NKAIN2: variants seen among roughly 807,000 people sequenced by gnomAD.
The protein encoded by NKAIN2 is sodium/potassium transporting ATPase interacting 2.
NKAIN2 carries 14 observed loss-of-function variants against 32.6 expected under a neutral mutation model. The observed-to-expected ratio is 0.43, with a 90% confidence interval of 0.28 to 0.67. The LOEUF (loss-of-function observed/expected upper bound fraction) is 0.67. NKAIN2 is among the 30% of genes least tolerant of loss of function. The pLI, the probability that NKAIN2 is intolerant of heterozygous loss-of-function variation, is 0.17. For missense variants in NKAIN2, 198 were observed against 258.3 expected (o/e 0.77, Z 1.60); for synonymous variants, 80 against 87.2 (o/e 0.92, Z 0.46).
At chr6:123,922,677 T>C (rs1392847037) in intron 1 of NKAIN2, among the ~76,000 whole-genome samples, 1 of 152,116 alleles carries the variant, frequency 6.6e-6, no homozygotes, top group African/African-American at 2.4e-5. Flanking sequence ...ATTTTCTCAA[T>C]GTGCATGGAT....
At chr6:124,247,219 C>A (rs917053098) in intron 1 of NKAIN2, among the ~76,000 whole-genome samples, 3 of 151,928 alleles carry the variant, frequency 2.0e-5, no homozygotes, top group Non-Finnish European at 4.4e-5. Context: ...GTCCACCCAC[C>A]AAAATGTTTA....
chr6:123,834,720 T>C (rs1774540340), intron 1 of NKAIN2, among the ~76,000 whole-genome samples: 1 of 152,194 alleles, frequency 6.6e-6, no homozygotes. Flanking sequence ...TAGATATGAT[T>C]TAGTAAGTTG....
At chr6:123,942,689 G>T (rs1776876568) in intron 1 of NKAIN2, among the ~76,000 whole-genome samples, 1 of 151,998 alleles carries the variant, frequency 6.6e-6, no homozygotes, top group African/African-American at 2.4e-5. Flanking sequence ...GTCTTGAATA[G>T]CTCTAGGGTT....
chr6:124,185,605 C>G (rs541128070), intron 1 of NKAIN2, among the ~76,000 whole-genome samples: 12 of 152,168 alleles, frequency 7.9e-5, no homozygotes, highest in African/African-American at 2.4e-4. Context: ...TGAAGTTATT[C>G]CTGAAAATCC....
chr6:124,295,577 A>T (rs1796013061), intron 2 of NKAIN2, among the ~76,000 whole-genome samples: 2 of 152,162 alleles, frequency 1.3e-5, no homozygotes, highest in Non-Finnish European at 2.9e-5. Context: ...GAAGGAGATT[A>T]AAAAACATAA....
chr6:124,033,036 A>G (rs534976203), intron 1 of NKAIN2, among the ~76,000 whole-genome samples: 1 of 152,168 alleles, frequency 6.6e-6, no homozygotes, highest in African/African-American at 2.4e-5. Flanking sequence ...TACTGGTAGG[A>G]TAGACACTTT....
At chr6:124,514,871 A>C (rs1344034904) in intron 3 of NKAIN2, among the ~76,000 whole-genome samples, 1 of 152,016 alleles carries the variant, frequency 6.6e-6, no homozygotes, top group African/African-American at 2.4e-5. Flanking sequence ...GTGAAGTTTG[A>C]GACTACTGCA....
At chr6:124,465,643 A>AAG (rs1244150587) in intron 3 of NKAIN2, among the ~76,000 whole-genome samples, 2 of 151,400 alleles carry the variant, frequency 1.3e-5, no homozygotes, top group African/African-American at 2.4e-5. Flanking sequence ...AAAAAAAAAA[A>AAG]AAAGAAATTC....
chr6:124,546,439 C>A (rs1034074288), intron 3 of NKAIN2, among the ~76,000 whole-genome samples: 6 of 152,054 alleles, frequency 3.9e-5, no homozygotes, highest in African/African-American at 1.4e-4. Flanking sequence ...TGAACATAAA[C>A]CTCTGGGATT....
intron 1 of NKAIN2, among the ~76,000 whole-genome samples, chr6:124,000,248 T>G (rs1052133605): frequency 1.3e-5 from 2 of 152,044 alleles, no homozygotes; most frequent in Non-Finnish European, 2.9e-5. Context: ...CATATACATC[T>G]ATTTTCTTAA....
At chr6:124,741,328 G>A (rs1777199084) in intron 4 of NKAIN2, among the ~76,000 whole-genome samples, 1 of 151,762 alleles carries the variant, frequency 6.6e-6, no homozygotes, top group African/African-American at 2.4e-5. Flanking sequence ...AATTATGAGA[G>A]TGAATAGCAA....
intron 1 of NKAIN2, among the ~76,000 whole-genome samples, chr6:123,923,865 A>G (rs1033915798): frequency 4.6e-5 from 7 of 150,738 alleles, no homozygotes; most frequent in Non-Finnish European, 1.0e-4. Flanking sequence ...TGGGTGCAGC[A>G]CACCAGCATG....
At chr6:123,853,492 ATTAG>A (rs1171362528) in intron 1 of NKAIN2, among the ~76,000 whole-genome samples, 1 of 152,216 alleles carries the variant, frequency 6.6e-6, no homozygotes, top group East Asian at 1.9e-4. Flanking sequence ...ATAATGAAAT[ATTAG>A]TTATTGCATT....
chr6:124,480,434 C>T lies in NKAIN2; in HGVS notation c.273+125087C>T, dbSNP rs543578452. On this transcript the variant is annotated intron_variant, in intron 3 of 6. Transcript: ENST00000368417. ...TGGCAAGGAAATGACATGAGTGAGA[C>T]GTTAAAGAGCAGATATCAAGATCTA... 5.3e-5 allele frequency among the ~76,000 whole-genome samples: 8 copies of T among 152,050 alleles called. No homozygotes were observed. In the South Asian group the frequency reaches 1.7e-3, roughly 32 times the overall value.
intron 2 of NKAIN2, among the ~76,000 whole-genome samples, chr6:124,312,603 G>C (rs1303700387): frequency 1.3e-5 from 2 of 152,214 alleles, no homozygotes; most frequent in African/African-American, 4.8e-5. Context: ...CCCTCGCTGA[G>C]TGTGCTGCTC....
chr6:124,223,738 T>C (rs1791955694), intron 1 of NKAIN2, among the ~76,000 whole-genome samples: 1 of 152,226 alleles, frequency 6.6e-6, no homozygotes, highest in Non-Finnish European at 1.5e-5. Flanking sequence ...CTTTATTTTC[T>C]ATGTTCCATT....
chr6:123,848,822 C>A (rs751381822), intron 1 of NKAIN2, among the ~76,000 whole-genome samples: 5 of 152,136 alleles, frequency 3.3e-5, no homozygotes, highest in Non-Finnish European at 5.9e-5. Context: ...TTCATACCAG[C>A]ATTCAGATTT....
chr6:124,489,584 AC>A (rs1188465539), intron 3 of NKAIN2, among the ~76,000 whole-genome samples: 2 of 151,884 alleles, frequency 1.3e-5, no homozygotes, highest in African/African-American at 4.8e-5. Context: ...TCTAACAGAA[AC>A]CTATTTTATA....
At chr6:124,556,616 C>A (rs561376029) in intron 3 of NKAIN2, among the ~76,000 whole-genome samples, 63 of 152,152 alleles carry the variant, frequency 4.1e-4, no homozygotes, top group Admixed American at 2.6e-3. Context: ...AAACATGAGC[C>A]AACTAAATCT....
Sources: allele counts gnomAD v4.1 joint callset (sites outside exome capture counted in the v4.1 genomes callset), GRCh38; gene constraint gnomAD v4.1.1; transcripts MANE v1.5; gene names NCBI Gene and HGNC (gene_info 2026-07-23, HGNC 2026-07-21).